Variants in UTP25 observed in about 807,000 individuals in gnomAD.
The protein encoded by UTP25 is UTP25 small subunit processome component.
UTP25 carries 50 observed loss-of-function variants against 78.9 expected under a neutral mutation model. The ratio of observed to expected loss-of-function variants is 0.63; its 90% CI spans 0.50 to 0.80. The LOEUF is 0.80. Ranked by LOEUF, UTP25 falls within the 30% of genes least tolerant of loss-of-function variation. The pLI, the probability that UTP25 is intolerant of heterozygous loss-of-function variation, is 0.00. For missense variants in UTP25, 846 were observed against 911.3 expected, an observed-to-expected ratio of 0.93 and a Z score of 0.92; for synonymous variants, 329 against 336.5, an observed-to-expected ratio of 0.98 and a Z score of 0.24.
chr1:209,851,222 C>G lies in UTP25; in HGVS notation c.2046C>G (p.Ile682Met), dbSNP rs143447736. Residue 682 changes from isoleucine to methionine, a missense_variant, in exon 12 of 12, where the codon ATC (isoleucine) becomes ATG (methionine). By Grantham distance (10) the Ile-to-Met change is conservative (BLOSUM62 1). Transcript: ENST00000491415. ...CTGACAGGTATACAATAAAAGGCAT[C>G]AGGAACCTGATTTTCTATGAACTGC... ...HFYKRYTIKG[I>M]RNLIFYELPT... 8.3e-5 allele frequency: 134 copies of G among 1,613,198 alleles called. No individual in the cohort carries two copies. Among genetic ancestry groups the G allele is most frequent in the Non-Finnish European group, 1.1e-4 (129 of 1,179,796 alleles).
At chr1:209,850,111 C>G (rs1033080241) in intron 11 of UTP25, among the ~76,000 whole-genome samples, 2 of 152,158 alleles carry the variant, frequency 1.3e-5, no homozygotes, top group African/African-American at 4.8e-5. Context: ...TCTTTGGGCT[C>G]AAGAAAAGGA....
Position 209,855,728 on chromosome 1 carries a change from C to T in UTP25, c.*4281C>T. ...TTCAGTCTTGGGCCTCTGCAGCTGG[C>T]TGTGACCAGGTGGAAACTGTAGCCT... On this transcript the variant is annotated 3_prime_UTR_variant, in exon 12 of 12. Transcript: ENST00000491415. The T allele has an allele frequency of 6.6e-6, 1 of 152,460 alleles. No homozygotes were observed. The highest frequency in any genetic ancestry group is 1.5e-5 in the Non-Finnish European group (1 of 68,144). The allele number at this position is 152,460 out of a possible 1,614,324, so 9.4% of individuals were successfully genotyped here. A position where few individuals can be genotyped will look rare whatever the true frequency, so the allele number is the denominator to read the frequency against.
At chr1:209,848,493 A>G (rs1256798672) in intron 11 of UTP25, among the ~76,000 whole-genome samples, 1 of 152,138 alleles carries the variant, frequency 6.6e-6, no homozygotes, top group Non-Finnish European at 1.5e-5. Context: ...CTGCTGTTGT[A>G]TATAATAATA....
In UTP25 at chr1:209,857,214, G is replaced by A. The variant is rs1475509423; in HGVS notation, c.*5767G>A. 1 of 151,844 alleles carries A rather than the reference G, an allele frequency of 6.6e-6. No homozygotes were observed. 9.4% of individuals were successfully genotyped at this position (151,844 alleles called of 1,614,324 possible). A position where few individuals can be genotyped will look rare whatever the true frequency, so the allele number is the denominator to read the frequency against. On this transcript the variant is annotated 3_prime_UTR_variant, in exon 12 of 12. Transcript: ENST00000491415. ...TGTGAAACTTTTATCCATCAGTCCT[G>A]TTTCTGAAGCTGTACGGTACAAATT...
At position 209,855,761 on chromosome 1, in the gene UTP25, C is replaced by G. The variant is rs553467392; in HGVS notation, c.*4314C>G. On this transcript the variant is annotated 3_prime_UTR_variant, in exon 12 of 12. Coordinates refer to ENST00000491415, the MANE Select transcript of UTP25 (RefSeq NM_014388.7). ...AGGTGGAAACTGTAGCCTTGGCTGA[C>G]CCAGAGAAGGAAAGGAGGCAGTCTG... The G allele has an allele frequency of 2.0e-5, 3 of 152,450 alleles. No individual in the cohort carries two copies. The highest frequency in any genetic ancestry group is 2.0e-4 in the Admixed American group (3 of 15,312). The allele number at this position is 152,450 out of a possible 1,614,324, so 9.4% of individuals were successfully genotyped here. A position where few individuals can be genotyped will look rare whatever the true frequency, so the allele number is the denominator to read the frequency against.
intron 11 of UTP25, among the ~76,000 whole-genome samples, chr1:209,848,361 A>C (rs2102581964): frequency 6.6e-6 from 1 of 152,286 alleles, no homozygotes; most frequent in Admixed American, 6.5e-5. Flanking sequence ...TAGTGTGTGT[A>C]TGTAATTAAT....
At position 209,838,842 on chromosome 1, in the gene UTP25, G is replaced by A. The variant is rs1180140020; in HGVS notation, c.1063-67G>A. 5 of 1,542,708 alleles carry A rather than the reference G, an allele frequency of 3.2e-6. No individual in the cohort carries two copies. In the African/African-American group the frequency reaches 6.8e-5, roughly 21 times the overall value. On this transcript the variant is annotated intron_variant, in intron 6 of 11. Transcript: ENST00000491415. ...GGAGCTTTTTAGCTCCACTTCCTCA[G>A]CAGTTTCACCTCAAGATCCTGTTCC...
In UTP25 at chr1:209,830,882, T is replaced by C; in HGVS notation, c.227T>C (p.Leu76Pro). 1 of 1,614,132 alleles carries C rather than the reference T, an allele frequency of 6.2e-7. No individual in the cohort carries two copies. Among genetic ancestry groups the C allele is most frequent in the Non-Finnish European group, 8.5e-7 (1 of 1,179,990 alleles). The change falls in exon 3 of 12, where the codon CTT becomes CCT. Residue 76 changes from leucine (L) to proline (P), a missense_variant. Leu to Pro is a moderately conservative substitution (Grantham distance 98, BLOSUM62 -3). Coordinates refer to ENST00000491415, the MANE Select transcript of UTP25 (RefSeq NM_014388.7). ...CAAGTTTCTGGCTACCACAGACTACTTGCTACATTAAAGAATGTTTCTGAG... is the reference window on the plus strand; with the variant it reads ...CAAGTTTCTGGCTACCACAGACTACCTGCTACATTAAAGAATGTTTCTGAG... ...PQQVSGYHRL[L>P]ATLKNVSEEE...
chr1:209,831,764 C>T (rs2078104652), intron 3 of UTP25, among the ~76,000 whole-genome samples: 1 of 152,194 alleles, frequency 6.6e-6, no homozygotes, highest in South Asian at 2.1e-4. Context: ...CGCCTTCTGT[C>T]ACTGTAGATT....
At chr1:209,829,772 C>T (rs375551970) in intron 1 of UTP25, among the ~76,000 whole-genome samples, 6 of 152,260 alleles carry the variant, frequency 3.9e-5, no homozygotes, top group African/African-American at 1.2e-4. Flanking sequence ...AGATATGAGC[C>T]ACCGCTCCCA....
At chr1:209,832,137 T>C (rs1265104038) in intron 3 of UTP25, among the ~76,000 whole-genome samples, 2 of 152,052 alleles carry the variant, frequency 1.3e-5, no homozygotes, top group East Asian at 3.9e-4. Flanking sequence ...TTTTTAAAAA[T>C]GAAAATTTTT....
intron 4 of UTP25, among the ~76,000 whole-genome samples, chr1:209,833,772 C>A (rs527257648): frequency 6.6e-6 from 1 of 152,316 alleles, no homozygotes; most frequent in East Asian, 1.9e-4. Flanking sequence ...GTCTTTATTA[C>A]CAGGGAGACC....
Position 209,851,502 on chromosome 1 carries a change from GC to G in UTP25, c.*57del. 6.5e-7 allele frequency: 1 copy of G among 1,536,830 alleles called. No individual in the cohort carries two copies. Among genetic ancestry groups the G allele is most frequent in the South Asian group, 1.3e-5 (1 of 77,180 alleles). On this transcript the variant is annotated 3_prime_UTR_variant, in exon 12 of 12. Transcript: ENST00000491415. ...CATGATACATAATGTTTGATTCTAT[GC>G]CATTTGGACCCAATTCTGATTACTT...
In UTP25 at chr1:209,835,328, T is replaced by G. The variant is rs686582; in HGVS notation, c.651+165T>G. Among the ~76,000 whole-genome samples, 103,729 of 151,988 alleles carry G rather than the reference T, an allele frequency of 0.68. 36,096 individuals are homozygous for G. Among genetic ancestry groups the G allele is most frequent in the Non-Finnish European group, 0.75 (51,290 of 67,968 alleles). ...GCTAGAAGAGCCTAGTGGGGCACAGTTGTAGCTAGAAAACGCACCAGGAAG... is the reference window on the plus strand; with the variant it reads ...GCTAGAAGAGCCTAGTGGGGCACAGGTGTAGCTAGAAAACGCACCAGGAAG... On this transcript the variant is annotated intron_variant, in intron 5 of 11. Transcript: ENST00000491415.
In UTP25 at chr1:209,837,044, G is replaced by A. The variant is rs747439534; in HGVS notation, c.895G>A (p.Ala299Thr). 6.8e-6 allele frequency: 11 copies of A among 1,614,042 alleles called. No homozygotes were observed. The South Asian group carries it at 9.9e-5, about 14-fold the overall frequency. Residue 299 changes from alanine to threonine, a missense_variant, in exon 6 of 12, where the codon GCT becomes ACT. Ala to Thr is a moderately conservative substitution (Grantham distance 58). Coordinates refer to ENST00000491415, the MANE Select transcript of UTP25 (RefSeq NM_014388.7). Reference sequence around the variant, plus strand: ...GGACCTGTTCTACCCGGAAAGGACTGCTCTGAAGAACGGGGAAGAGATCCG... The same window carrying A: ...GGACCTGTTCTACCCGGAAAGGACTACTCTGAAGAACGGGGAAGAGATCCG... ...YRDLFYPERTALKNGEEIRHV... is the reference protein window; with the variant it reads ...YRDLFYPERTTLKNGEEIRHV...
chr1:209,840,528 A>C (rs2078161098), intron 7 of UTP25, among the ~76,000 whole-genome samples: 1 of 152,200 alleles, frequency 6.6e-6, no homozygotes, highest in Admixed American at 6.5e-5. Flanking sequence ...AGCAAGAGTC[A>C]TTTCTCTGGA....
chr1:209,828,559 A>G (rs10863791), intron 1 of UTP25, among the ~76,000 whole-genome samples: 3,625 of 148,156 alleles, frequency 0.024, 154 homozygotes, highest in African/African-American at 0.086. Flanking sequence ...CCCGCCACCA[A>G]GCCCGGCTGA....
intron 5 of UTP25, among the ~76,000 whole-genome samples, chr1:209,836,215 A>C (rs935228311): frequency 6.6e-6 from 1 of 152,078 alleles, no homozygotes; most frequent in African/African-American, 2.4e-5. Context: ...AGCTATCAGT[A>C]ATTTATTTCT....
In UTP25 at chr1:209,851,394, C is replaced by T; in HGVS notation, c.2218C>T (p.Gln740Ter). Reference protein sequence around the residue: ...AAVVGVERAAQMLQSNKNVHL... With the variant: ...AAVVGVERAA ...CGTGGTTGGTGTGGAGCGGGCGGCA[C>T]AGATGCTACAGTCCAACAAGAATGT... The change falls in exon 12 of 12, where the codon CAG becomes TAG. Residue 740 changes from glutamine to a stop codon, truncating the protein, a stop_gained. Transcript: ENST00000491415. LOFTEE classifies it high-confidence loss of function. 1 of 1,613,834 alleles carries T rather than the reference C, an allele frequency of 6.2e-7. No homozygotes were observed. The highest frequency in any genetic ancestry group is 8.5e-7 in the Non-Finnish European group (1 of 1,179,958).
Sources: allele counts gnomAD v4.1 joint callset (sites outside exome capture counted in the v4.1 genomes callset), GRCh38; gene constraint gnomAD v4.1.1; transcripts MANE v1.5; gene names NCBI Gene and HGNC (gene_info 2026-07-23, HGNC 2026-07-21).